The following ADAMTS2 variants were observed in gnomAD, a reference collection of about 807,000 sequenced individuals.
ADAMTS2 encodes A disintegrin and metalloproteinase with thrombospondin motifs 2.
In ADAMTS2, 50 loss-of-function variants were observed where a neutral mutation model predicts 123.0. The observed-to-expected ratio is 0.41, with a 90% confidence interval of 0.32 to 0.51. The LOEUF (loss-of-function observed/expected upper bound fraction) is 0.51. Among genes scored for constraint, ADAMTS2 ranks in the 20% least tolerant of loss-of-function variants. The pLI, the probability that ADAMTS2 is intolerant of heterozygous loss-of-function variation, is 0.35. For missense variants in ADAMTS2, 1,494 were observed against 1,705.2 expected (o/e 0.88, Z 2.18); for synonymous variants, 678 against 695.4 (o/e 0.98, Z 0.39).
intron 21 of ADAMTS2, 65 bp from the exon 22 acceptor site, chr5:179,114,389 G>A: frequency 6.6e-7 from 1 of 1,509,094 alleles, no homozygotes; most frequent in Non-Finnish European, 9.0e-7. Flanking sequence ...TCCCCCACAG[G>A]GTGCAGCTTG....
At chr5:179,335,390 G>T (rs558202705) in intron 2 of ADAMTS2, among the ~76,000 whole-genome samples, 3 of 152,082 alleles carry the variant, frequency 2.0e-5, no homozygotes, top group African/African-American at 7.3e-5. Context: ...TATACTCAGG[G>T]TACCTCTCAA....
rs10479527 is a variant in ADAMTS2 at position 179,188,091 on chromosome 5, T to C, written c.892-6936A>G. Among the ~76,000 whole-genome samples the C allele has an allele frequency of 0.99, 150,493 of 152,266 alleles. 74,380 individuals carry two copies. The highest frequency in any genetic ancestry group is 1 in the East Asian group (5,143 of 5,144). ...TCCCTACTGGGGAGGCCTACTGGCC[T>C]GCCAGCCACAGAGGAGACAGGCAGG... is the stretch of plus-strand genomic sequence containing the variant. On this transcript the variant is annotated intron_variant, in intron 4 of 21. Transcript: ENST00000251582. This position sits in a 1 kb window ranked among gnomAD's most constrained non-coding sequence, Gnocchi z 5.1.
chr5:179,280,254 C>T (rs1766853517), intron 2 of ADAMTS2, among the ~76,000 whole-genome samples: 1 of 152,178 alleles, frequency 6.6e-6, no homozygotes, highest in Admixed American at 6.5e-5. Flanking sequence ...GTCACATGCC[C>T]AGCGAGGCTC....
intron 3 of ADAMTS2, among the ~76,000 whole-genome samples, chr5:179,209,926 C>A (rs1057476434): frequency 6.6e-5 from 10 of 152,244 alleles, no homozygotes; most frequent in African/African-American, 2.4e-4. Flanking sequence ...CCGGGCGTTA[C>A]CCTCTGCCCT....
chr5:179,117,592 G>A lies in ADAMTS2; in HGVS notation c.3179-3268C>T, dbSNP rs1034033438. 3.4e-5 allele frequency among the ~76,000 whole-genome samples: 5 copies of A among 148,030 alleles called. No individual in the cohort carries two copies. The highest frequency in any genetic ancestry group is 1.4e-4 in the Admixed American group (2 of 14,680). ...TTTTGAGATGAAGTCTTGCTCTGTCGCCCAGGCTGGAGTGCAGTGGCGTGA... is the reference window on the plus strand; with the variant it reads ...TTTTGAGATGAAGTCTTGCTCTGTCACCCAGGCTGGAGTGCAGTGGCGTGA... On this transcript the variant is annotated intron_variant, in intron 21 of 21. Coordinates refer to ENST00000251582, the MANE Select transcript of ADAMTS2 (RefSeq NM_014244.5). The surrounding 1 kb of genome is among the most constrained non-coding windows in gnomAD (Gnocchi z 4.2).
At chr5:179,324,089 A>G (rs1581276285) in intron 2 of ADAMTS2, among the ~76,000 whole-genome samples, 1 of 152,358 alleles carries the variant, frequency 6.6e-6, no homozygotes, top group East Asian at 1.9e-4. Context: ...AATGCCCAGA[A>G]CAGGCAAATC....
intron 11 of ADAMTS2, among the ~76,000 whole-genome samples, chr5:179,138,179 C>T (rs1260389453): frequency 3.3e-5 from 5 of 152,188 alleles, no homozygotes; most frequent in Admixed American, 6.5e-5. Flanking sequence ...TGGCCACATC[C>T]TCCCTCCTGG....
Position 179,129,278 on chromosome 5 carries a change from C to T in ADAMTS2, c.2457+654G>A, listed in dbSNP as rs1762918389. Among the ~76,000 whole-genome samples, 1 of 152,220 alleles carries T rather than the reference C, an allele frequency of 6.6e-6. No homozygotes were observed. The highest frequency in any genetic ancestry group is 2.4e-5 in the African/African-American group (1 of 41,460). On this transcript the variant is annotated intron_variant, in intron 16 of 21. Coordinates refer to ENST00000251582, the MANE Select transcript of ADAMTS2 (RefSeq NM_014244.5). This position sits in a 1 kb window ranked among gnomAD's most constrained non-coding sequence, Gnocchi z 4.1. ...TCACTGCTGCACCTGCTTACAGGTG[C>T]ACCCACGTGTGGAGCGCTGGGGGCT...
chr5:179,301,804 G>A (rs62395024), intron 2 of ADAMTS2, among the ~76,000 whole-genome samples: 1 of 152,266 alleles, frequency 6.6e-6, no homozygotes, highest in African/African-American at 2.4e-5. Context: ...GTGCCCTGCT[G>A]CCCCAGCAGT....
In ADAMTS2 at chr5:179,197,746, C is replaced by T. The variant is rs1764458402; in HGVS notation, c.891+9767G>A. On this transcript the variant is annotated intron_variant, in intron 4 of 21. Coordinates refer to ENST00000251582, the MANE Select transcript of ADAMTS2 (RefSeq NM_014244.5). This position sits in a 1 kb window ranked among gnomAD's most constrained non-coding sequence, Gnocchi z 4.2. ...TGCATATATAAACATATTACTTCCACAACGGCTCTGATCTTCCAAGGCATT... is the reference window on the plus strand; with the variant it reads ...TGCATATATAAACATATTACTTCCATAACGGCTCTGATCTTCCAAGGCATT... Among the ~76,000 whole-genome samples the T allele has an allele frequency of 6.6e-6, 1 of 152,166 alleles. No homozygotes were observed. Among genetic ancestry groups the T allele is most frequent in the Non-Finnish European group, 1.5e-5 (1 of 68,030 alleles).
At chr5:179,238,128 A>AGTTCCATCCACTCT (rs1765572103) in intron 3 of ADAMTS2, among the ~76,000 whole-genome samples, 1 of 152,234 alleles carries the variant, frequency 6.6e-6, no homozygotes, top group African/African-American at 2.4e-5. Context: ...AGAAACAAGC[A>AGTTCCATCCACTCT]GTTCCATCCA....
In ADAMTS2 at chr5:179,136,418, C is replaced by T. The variant is rs184291305; in HGVS notation, c.1952-376G>A. 4.2e-3 allele frequency among the ~76,000 whole-genome samples: 632 copies of T among 152,280 alleles called. 4 individuals are homozygous for T. Among genetic ancestry groups the T allele is most frequent in the Non-Finnish European group, 5.6e-3 (378 of 68,030 alleles). ...AGATGGCTCACACCTGTAATCCCAG[C>T]GCTTTGGGAGGCAGAGGCAGGTGGA... On this transcript the variant is annotated intron_variant, in intron 12 of 21. Transcript: ENST00000251582.
In ADAMTS2 at chr5:179,225,183, C is replaced by CA. The variant is rs1291767258; in HGVS notation, c.689-17469dup. ...GCTCCTCCTCCCTCTCATGGACTCT[C>CA]AATTCAGCCCCGCACAGCCAAGGGC... On this transcript the variant is annotated intron_variant, in intron 3 of 21. Coordinates refer to ENST00000251582, the MANE Select transcript of ADAMTS2 (RefSeq NM_014244.5). The surrounding 1 kb of genome is among the most constrained non-coding windows in gnomAD (Gnocchi z 4.5). Among the ~76,000 whole-genome samples, 1 of 152,198 alleles carries CA rather than the reference C, an allele frequency of 6.6e-6. No individual in the cohort carries two copies. The highest frequency in any genetic ancestry group is 1.9e-4 in the East Asian group (1 of 5,194).
intron 2 of ADAMTS2, among the ~76,000 whole-genome samples, chr5:179,286,174 G>C (rs1393118492): frequency 7.0e-6 from 1 of 142,430 alleles, no homozygotes; most frequent in African/African-American, 2.6e-5. Context: ...AGATCGCACC[G>C]CTGCACTCCA....
chr5:179,136,122 G>T (rs1763063932), intron 12 of ADAMTS2, 80 bp from the exon 13 acceptor site: 1 of 1,610,244 alleles, frequency 6.2e-7, no homozygotes, highest in Admixed American at 1.7e-5. Flanking sequence ...CCAAGCAGGA[G>T]AAATTTCCAC....
At chr5:179,322,755 G>C (rs900021175) in intron 2 of ADAMTS2, among the ~76,000 whole-genome samples, 2 of 152,232 alleles carry the variant, frequency 1.3e-5, no homozygotes, top group African/African-American at 4.8e-5. Context: ...ATGTGGCGAT[G>C]CAAACTGGAC....
chr5:179,119,301 C>A (rs2161170), intron 21 of ADAMTS2, among the ~76,000 whole-genome samples: 74,301 of 152,128 alleles, frequency 0.49, 19,453 homozygotes, highest in African/African-American at 0.69. Context: ...GTTGCTCCCT[C>A]CCCAGGCTAG....
chr5:179,326,816 G>A (rs879838781), intron 2 of ADAMTS2, among the ~76,000 whole-genome samples: 14 of 152,120 alleles, frequency 9.2e-5, no homozygotes, highest in Non-Finnish European at 1.9e-4. Flanking sequence ...TGACTCCAGC[G>A]CACGGGACCT....
intron 3 of ADAMTS2, among the ~76,000 whole-genome samples, chr5:179,226,816 G>A (rs1037430124): frequency 6.6e-6 from 1 of 152,194 alleles, no homozygotes; most frequent in Non-Finnish European, 1.5e-5. Flanking sequence ...GGAAATAAGT[G>A]TAAGGATATC....
Sources: gnomAD v4.1 joint callset for allele counts (sites outside exome capture counted in the v4.1 genomes callset) on GRCh38, gnomAD v4.1.1 for gene constraint, Gnocchi (gnomAD v3.1) non-coding constraint, MANE v1.5 for transcripts, NCBI Gene and HGNC (gene_info 2026-07-23, HGNC 2026-07-21) for gene names.